Variants in PEX5L observed in about 807,000 individuals in gnomAD.
PEX5L encodes the protein peroxisomal biogenesis factor 5 like, also known as PEX5-related protein.
In PEX5L, 30 loss-of-function variants were observed where a neutral mutation model predicts 84.0. That is an observed-to-expected ratio of 0.36 (90% CI 0.27 to 0.48). The LOEUF (loss-of-function observed/expected upper bound fraction) is 0.48, where lower values mean the gene tolerates loss of function less well. PEX5L is among the 20% of genes least tolerant of loss of function. The pLI, the probability that PEX5L is intolerant of heterozygous loss-of-function variation, is 0.99. For synonymous variants in PEX5L, 270 were observed against 283.1 expected (o/e 0.95, Z 0.46); for missense variants, 533 against 754.6 (o/e 0.71, Z 3.44).
intron 4 of PEX5L, among the ~76,000 whole-genome samples, chr3:179,887,455 T>C (rs188547626): frequency 4.6e-5 from 7 of 152,376 alleles, no homozygotes; most frequent in Non-Finnish European, 7.3e-5. Context: ...ACATGATTCA[T>C]TGCTAATAGT....
At chr3:179,993,761 C>T (rs1226252553) in intron 1 of PEX5L, among the ~76,000 whole-genome samples, 2 of 152,104 alleles carry the variant, frequency 1.3e-5, no homozygotes, top group East Asian at 1.9e-4. Context: ...CCTCGACCTC[C>T]CAAAGTGCTG....
chr3:179,980,892 C>T (rs771660327), intron 1 of PEX5L, among the ~76,000 whole-genome samples: 5 of 152,018 alleles, frequency 3.3e-5, no homozygotes, highest in African/African-American at 7.2e-5. Context: ...GGTGTAGTGG[C>T]GAGCACCTGT....
chr3:179,934,627 T>G (rs1236688716), intron 2 of PEX5L, among the ~76,000 whole-genome samples: 1 of 152,196 alleles, frequency 6.6e-6, no homozygotes, highest in Non-Finnish European at 1.5e-5. Flanking sequence ...CCACTTTATT[T>G]CCATTGACAT....
chr3:179,820,088 T>C, intron 8 of PEX5L, 112 bp from the exon 9 acceptor site: 1 of 1,491,142 alleles, frequency 6.7e-7, no homozygotes, highest in South Asian at 1.3e-5. Context: ...ATAAAATGGC[T>C]GATGACATCC....
intron 1 of PEX5L, among the ~76,000 whole-genome samples, chr3:179,989,480 T>C (rs1787184061): frequency 6.6e-6 from 1 of 152,208 alleles, no homozygotes; most frequent in African/African-American, 2.4e-5. Context: ...GTCAGATAAC[T>C]AGTTTACAAA....
chr3:179,817,975 A>G (rs1287978830), intron 9 of PEX5L, among the ~76,000 whole-genome samples: 1 of 152,200 alleles, frequency 6.6e-6, no homozygotes, highest in Non-Finnish European at 1.5e-5. Context: ...AAAGACAGTT[A>G]CTTTTAATGA....
chr3:179,917,891 T>C (rs1333164879), intron 2 of PEX5L, among the ~76,000 whole-genome samples: 1 of 152,168 alleles, frequency 6.6e-6, no homozygotes, highest in Admixed American at 6.5e-5. Context: ...ACTCCCGACC[T>C]CAGGTGATCC....
At chr3:179,970,122 G>T (rs950557599) in intron 2 of PEX5L, among the ~76,000 whole-genome samples, 1 of 152,022 alleles carries the variant, frequency 6.6e-6, no homozygotes, top group African/African-American at 2.4e-5. Flanking sequence ...GAAAAGCTTT[G>T]GGGTAGGAAG....
intron 1 of PEX5L, among the ~76,000 whole-genome samples, chr3:179,993,661 G>A (rs1347902213): frequency 6.6e-6 from 1 of 151,728 alleles, no homozygotes; most frequent in Non-Finnish European, 1.5e-5. Context: ...CACCACACCC[G>A]GCTAATTTTT....
intron 2 of PEX5L, among the ~76,000 whole-genome samples, chr3:179,905,502 G>A (rs953082413): frequency 5.3e-5 from 8 of 151,886 alleles, no homozygotes; most frequent in Non-Finnish European, 1.0e-4. Flanking sequence ...CTCGTGATCC[G>A]CCCGCCTCGA....
At chr3:179,991,164 G>T (rs2110371545) in intron 1 of PEX5L, among the ~76,000 whole-genome samples, 1 of 152,270 alleles carries the variant, frequency 6.6e-6, no homozygotes, top group East Asian at 1.9e-4. Context: ...CCGACTTACT[G>T]TCTTTAACCT....
chr3:179,864,651 T>C (rs968168329), intron 7 of PEX5L, among the ~76,000 whole-genome samples: 1 of 152,086 alleles, frequency 6.6e-6, no homozygotes, highest in African/African-American at 2.4e-5. Context: ...GTGTGTTATA[T>C]TTTTGAAACT....
At chr3:179,961,195 A>ATGTGTGTGTGTGTGTG (rs1186882207) in intron 2 of PEX5L, among the ~76,000 whole-genome samples, 1 of 139,824 alleles carries the variant, frequency 7.2e-6, no homozygotes, top group African/African-American at 2.6e-5. Flanking sequence ...TCACTTGTGT[A>ATGTGTGTGTGTGTGTG]TGTGTATGTG....
At chr3:179,980,005 C>T (rs532726408) in intron 1 of PEX5L, among the ~76,000 whole-genome samples, 15 of 152,226 alleles carry the variant, frequency 9.9e-5, no homozygotes, top group South Asian at 4.1e-4. Flanking sequence ...CAAACTAAAA[C>T]GCGATCTCTT....
Position 179,950,604 on chromosome 3 carries a change from C to T in PEX5L, c.93+20990G>A, listed in dbSNP as rs530731388. Among the ~76,000 whole-genome samples the T allele has an allele frequency of 2.0e-5, 3 of 152,320 alleles. No individual in the cohort carries two copies. The East Asian group carries it at 5.8e-4, about 29-fold the overall frequency. ...AATAGCATCTATTGAGGGCCCATTGCATACACTATCCCCAGCAAGCACATG... is the reference window on the plus strand; with the variant it reads ...AATAGCATCTATTGAGGGCCCATTGTATACACTATCCCCAGCAAGCACATG... On this transcript the variant is annotated intron_variant, in intron 2 of 14. Coordinates refer to ENST00000467460, the MANE Select transcript of PEX5L (RefSeq NM_016559.3).
intron 8 of PEX5L, among the ~76,000 whole-genome samples, chr3:179,831,288 C>T (rs1732792959): frequency 1.3e-5 from 2 of 150,686 alleles, no homozygotes; most frequent in Admixed American, 6.6e-5. Context: ...CACTCCAACT[C>T]CAGCCTGGGT....
At chr3:179,873,641 C>A (rs1577897600) in intron 7 of PEX5L, among the ~76,000 whole-genome samples, 1 of 152,106 alleles carries the variant, frequency 6.6e-6, no homozygotes, top group Non-Finnish European at 1.5e-5. Flanking sequence ...ACAGACAGAC[C>A]TGGTTCACAC....
rs1380354128 is a variant in PEX5L at position 179,841,157 on chromosome 3, A to T, written c.822+17905T>A. 2.6e-5 allele frequency among the ~76,000 whole-genome samples: 4 copies of T among 152,134 alleles called. 1 individual carries two copies. The East Asian group carries it at 7.7e-4, about 29-fold the overall frequency. ...TGGCACAGAGCCCACATTCCATACCAGTCTGCTGACGAAAGCTTGAATGAT... is the reference window on the plus strand; with the variant it reads ...TGGCACAGAGCCCACATTCCATACCTGTCTGCTGACGAAAGCTTGAATGAT... On this transcript the variant is annotated intron_variant, in intron 8 of 14. Transcript: ENST00000467460.
intron 1 of PEX5L, among the ~76,000 whole-genome samples, chr3:180,021,827 G>A (rs2110509978): frequency 6.6e-6 from 1 of 152,298 alleles, no homozygotes; most frequent in Admixed American, 6.5e-5. Context: ...GATGAGCATA[G>A]ATGCTTAGTT....
Sources: gnomAD v4.1 joint callset for allele counts (sites outside exome capture counted in the v4.1 genomes callset) on GRCh38, gnomAD v4.1.1 for gene constraint, MANE v1.5 for transcripts, NCBI Gene and HGNC (gene_info 2026-07-23, HGNC 2026-07-21) for gene names.